Variants in VAC14 observed in about 807,000 individuals in gnomAD.
The protein encoded by VAC14 is VAC14 component of PIKFYVE complex.
A neutral mutation model predicts 85.3 loss-of-function variants in VAC14; 47 were observed. The observed-to-expected ratio is 0.55, with a 90% CI of 0.44 to 0.70. The LOEUF is 0.70. Among genes scored for constraint, VAC14 ranks in the 30% least tolerant of loss-of-function variants. The probability of loss-of-function intolerance (pLI) is 0.00; values close to 1 mark genes in which losing one functional copy is unlikely to be tolerated. For synonymous variants in VAC14, 447 were observed against 430.5 expected (o/e 1.04, Z -0.47); for missense variants, 861 against 1,004.3 (o/e 0.86, Z 1.93).
At chr16:70,753,134 G>C (rs2031538074) in intron 12 of VAC14, among the ~76,000 whole-genome samples, 1 of 152,258 alleles carries the variant, frequency 6.6e-6, no homozygotes, top group Admixed American at 6.5e-5. Flanking sequence ...TTTCCTCTTA[G>C]GGGAAATGGG....
intron 1 of VAC14, among the ~76,000 whole-genome samples, chr16:70,791,032 T>G (rs1327710611): frequency 6.6e-6 from 1 of 152,186 alleles, no homozygotes. Context: ...ACCCTACTTA[T>G]CTGACACTTG....
intron 16 of VAC14, chr16:70,695,834 A>C: frequency 3.9e-6 from 2 of 516,638 alleles, no homozygotes; most frequent in East Asian, 3.1e-5. Flanking sequence ...TCCAGGTTCC[A>C]CTCTAGCAGC....
chr16:70,724,382 A>C (rs890821363), intron 14 of VAC14, among the ~76,000 whole-genome samples: 15 of 152,304 alleles, frequency 9.8e-5, no homozygotes, highest in African/African-American at 3.6e-4. Flanking sequence ...TGGTTCTGTG[A>C]GGTGCAAGGA....
intron 13 of VAC14, among the ~76,000 whole-genome samples, chr16:70,735,559 T>C (rs762780321): frequency 5.3e-5 from 8 of 152,244 alleles, no homozygotes; most frequent in Admixed American, 1.3e-4. Context: ...CTCATGGTCC[T>C]GCCGGGGAGA....
chr16:70,778,155 G>A (rs1238699933), intron 9 of VAC14, among the ~76,000 whole-genome samples: 1 of 152,158 alleles, frequency 6.6e-6, no homozygotes, highest in African/African-American at 2.4e-5. Context: ...TACTCTCCTG[G>A]GCAAGCAGCT....
At chr16:70,777,328 A>G (rs1439880735) in intron 9 of VAC14, among the ~76,000 whole-genome samples, 1 of 152,218 alleles carries the variant, frequency 6.6e-6, no homozygotes, top group African/African-American at 2.4e-5. Context: ...TTTTGTCTGA[A>G]ACACACAACC....
chr16:70,758,300 G>C (rs1033446430), intron 12 of VAC14, among the ~76,000 whole-genome samples: 2 of 152,110 alleles, frequency 1.3e-5, no homozygotes, highest in Admixed American at 6.5e-5. Flanking sequence ...ACGCCTATGA[G>C]GCTGGTGTAG....
intron 10 of VAC14, among the ~76,000 whole-genome samples, chr16:70,764,235 C>T (rs570787812): frequency 6.6e-6 from 1 of 152,060 alleles, no homozygotes; most frequent in Non-Finnish European, 1.5e-5. Context: ...TTTGATGATC[C>T]CCATGGTGCA....
At chr16:70,741,064 C>T (rs2030245381) in intron 13 of VAC14, among the ~76,000 whole-genome samples, 1 of 152,270 alleles carries the variant, frequency 6.6e-6, no homozygotes, top group Admixed American at 6.5e-5. Context: ...CCGAGGCTTT[C>T]CAGACAGTCC....
chr16:70,697,991 C>T (rs967315162), intron 15 of VAC14, among the ~76,000 whole-genome samples: 1 of 151,922 alleles, frequency 6.6e-6, no homozygotes, highest in African/African-American at 2.4e-5. Context: ...AGCCACCACC[C>T]CAGCCGGGAC....
chr16:70,724,427 G>T (rs2054370648), intron 14 of VAC14, among the ~76,000 whole-genome samples: 1 of 152,196 alleles, frequency 6.6e-6, no homozygotes, highest in Non-Finnish European at 1.5e-5. Context: ...GGGAACAATG[G>T]AATGCAGGCT....
At chr16:70,780,652 G>T in intron 9 of VAC14, 138 bp downstream of exon 9, 2 of 1,124,656 alleles carry the variant, frequency 1.8e-6, no homozygotes, top group Non-Finnish European at 2.5e-6. Flanking sequence ...CCACTGCGCT[G>T]GGTTGCTGCT....
chr16:70,704,730 G>A (rs1247121756), intron 14 of VAC14, among the ~76,000 whole-genome samples: 2 of 152,232 alleles, frequency 1.3e-5, no homozygotes, highest in South Asian at 2.1e-4. Context: ...AGGGACAGCC[G>A]GAGCCCGCTC....
intron 14 of VAC14, among the ~76,000 whole-genome samples, chr16:70,722,500 C>A (rs957245999): frequency 6.6e-6 from 1 of 152,164 alleles, no homozygotes; most frequent in Non-Finnish European, 1.5e-5. Context: ...CTGTGATCTT[C>A]GTGACTCTGC....
chr16:70,761,262 A>G, intron 12 of VAC14: 1 of 444,176 alleles, frequency 2.3e-6, no homozygotes, highest in Non-Finnish European at 4.5e-6. Flanking sequence ...GGGACTGGTG[A>G]GCAATAGCCC....
intron 1 of VAC14, 121 bp from the exon 2 acceptor site, chr16:70,786,486 G>A (rs765124253): frequency 2.1e-5 from 28 of 1,335,916 alleles, no homozygotes; most frequent in African/African-American, 2.0e-4. Context: ...GGAGACAGGC[G>A]TCTCAGGGCA....
At position 70,785,986 on chromosome 16, in the gene VAC14, G is replaced by A. The variant is rs985929314; in HGVS notation, c.256-117C>T. The A allele has an allele frequency of 8.1e-6, 11 of 1,357,598 alleles. No individual in the cohort carries two copies. In the Admixed American group the frequency reaches 2.8e-4, roughly 35 times the overall value. The allele number at this position is 1,357,598 out of a possible 1,614,324, so 84.1% of individuals were successfully genotyped here. A position where few individuals can be genotyped will look rare whatever the true frequency, so the allele number is the denominator to read the frequency against. On this transcript the variant is annotated intron_variant, in intron 2 of 18. Transcript: ENST00000261776. ...AAGGTGCTCAGGCCTTTGTGTGAGG[G>A]CTGGGCTCAAAGACCCTTCCCAAGC...
chr16:70,736,870 G>A (rs927158034), intron 13 of VAC14, among the ~76,000 whole-genome samples: 12 of 152,108 alleles, frequency 7.9e-5, no homozygotes, highest in African/African-American at 2.4e-4. Flanking sequence ...CAGCAGGGGA[G>A]GTGGGGAAAG....
intron 14 of VAC14, among the ~76,000 whole-genome samples, chr16:70,708,227 T>C (rs2053960054): frequency 6.6e-6 from 1 of 152,230 alleles, no homozygotes; most frequent in Admixed American, 6.5e-5. Flanking sequence ...TCCCACCAAT[T>C]TCCTTCCTAA....
Sources: gnomAD v4.1 joint callset for allele counts (sites outside exome capture counted in the v4.1 genomes callset) on GRCh38, gnomAD v4.1.1 for gene constraint, MANE v1.5 for transcripts, NCBI Gene and HGNC (gene_info 2026-07-23, HGNC 2026-07-21) for gene names.